MARCHF11: variants seen among roughly 807,000 people sequenced by gnomAD.
MARCHF11 encodes membrane associated ring-CH-type finger 11.
MARCHF11 carries 29 observed loss-of-function variants against 37.3 expected under a neutral mutation model. That is an observed-to-expected ratio of 0.78 (90% confidence interval 0.58 to 1.06). The LOEUF (loss-of-function observed/expected upper bound fraction) is 1.06, where lower values mean the gene tolerates loss of function less well. Among genes scored for constraint, MARCHF11 ranks in the 50% least tolerant of loss-of-function variants. The pLI, the probability that MARCHF11 is intolerant of heterozygous loss-of-function variation, is 0.00. For missense variants in MARCHF11, 482 were observed against 533.4 expected, an observed-to-expected ratio of 0.90 and a Z score of 0.95; for synonymous variants, 233 against 228.0, an observed-to-expected ratio of 1.02 and a Z score of -0.20.
intron 2 of MARCHF11, among the ~76,000 whole-genome samples, chr5:16,157,048 G>A (rs1737989465): frequency 1.3e-5 from 2 of 151,816 alleles, no homozygotes; most frequent in Admixed American, 6.6e-5. Context: ...CTAAAAACAT[G>A]TTATTGACCA....
chr5:16,106,233 C>T (rs952862136), intron 2 of MARCHF11, among the ~76,000 whole-genome samples: 2 of 152,148 alleles, frequency 1.3e-5, no homozygotes, highest in African/African-American at 2.4e-5. Context: ...AATGAGCAAG[C>T]GGTGTCTCTG....
chr5:16,115,117 C>T (rs1435425492), intron 2 of MARCHF11, among the ~76,000 whole-genome samples: 4 of 152,074 alleles, frequency 2.6e-5, no homozygotes, highest in African/African-American at 7.2e-5. Context: ...TCATTTGTAA[C>T]GGAAGCTGAG....
intron 2 of MARCHF11, among the ~76,000 whole-genome samples, chr5:16,160,077 C>T (rs1459392684): frequency 2.6e-5 from 4 of 151,544 alleles, no homozygotes; most frequent in Non-Finnish European, 5.9e-5. Flanking sequence ...AATAACAAAA[C>T]TTCCCCTATA....
chr5:16,159,241 A>G (rs1220464770), intron 2 of MARCHF11, among the ~76,000 whole-genome samples: 2 of 151,328 alleles, frequency 1.3e-5, no homozygotes, highest in African/African-American at 4.9e-5. Context: ...ACCATCATAC[A>G]ACAGAAGCTT....
intron 2 of MARCHF11, among the ~76,000 whole-genome samples, chr5:16,093,361 T>C (rs1215353223): frequency 6.6e-6 from 1 of 152,192 alleles, no homozygotes; most frequent in Non-Finnish European, 1.5e-5. Flanking sequence ...TTGGCTTCAA[T>C]TAGGCCTACT....
chr5:16,173,035 T>C (rs1738296432), intron 2 of MARCHF11, among the ~76,000 whole-genome samples: 1 of 152,178 alleles, frequency 6.6e-6, no homozygotes, highest in South Asian at 2.1e-4. Context: ...GACAGCACAT[T>C]AGAAGAGTTT....
At chr5:16,094,623 A>G (rs1015353626) in intron 2 of MARCHF11, among the ~76,000 whole-genome samples, 1 of 152,070 alleles carries the variant, frequency 6.6e-6, no homozygotes, top group Non-Finnish European at 1.5e-5. Context: ...AATAGTTGCT[A>G]CTGCTTTCTT....
intron 2 of MARCHF11, among the ~76,000 whole-genome samples, chr5:16,155,738 A>C (rs1737969256): frequency 6.6e-6 from 1 of 151,968 alleles, no homozygotes. Context: ...CAAGTCAGGC[A>C]TTCCTACTAA....
chr5:16,145,337 G>C (rs1476637986), intron 2 of MARCHF11, among the ~76,000 whole-genome samples: 4 of 152,096 alleles, frequency 2.6e-5, no homozygotes, highest in Non-Finnish European at 4.4e-5. Flanking sequence ...CTACAGAATG[G>C]GCATTCAGGA....
chr5:16,174,763 C>T (rs912280169), intron 2 of MARCHF11, among the ~76,000 whole-genome samples: 1 of 152,124 alleles, frequency 6.6e-6, no homozygotes, highest in African/African-American at 2.4e-5. Flanking sequence ...TTATGAGGAC[C>T]AAATGCAGAG....
intron 3 of MARCHF11, among the ~76,000 whole-genome samples, chr5:16,086,037 T>C (rs1237641546): frequency 6.8e-6 from 1 of 148,066 alleles, no homozygotes; most frequent in African/African-American, 2.5e-5. Context: ...AATATTCATG[T>C]AAAACGATGT....
rs141084123 is a variant in MARCHF11 at position 16,177,987 on chromosome 5, T to A, written c.538-106A>T. ...AAAGCCATTTACTCAGGATACAGCA[T>A]CAGGCTCTATCATAGGAAATGAAAT... is the stretch of plus-strand genomic sequence containing the variant. On this transcript the variant is annotated intron_variant, in intron 1 of 3. Coordinates refer to ENST00000332432, the MANE Select transcript of MARCHF11 (RefSeq NM_001102562.3). The A allele has an allele frequency of 5.5e-4, 580 of 1,056,496 alleles. 11 individuals are homozygous for A. The East Asian group carries it at 0.015, about 28-fold the overall frequency. 65.4% of individuals were successfully genotyped at this position (1,056,496 alleles called of 1,614,324 possible).
chr5:16,083,908 T>A (rs1484001343), intron 3 of MARCHF11, among the ~76,000 whole-genome samples: 1 of 152,240 alleles, frequency 6.6e-6, no homozygotes, highest in Non-Finnish European at 1.5e-5. Context: ...ACACTGGTTT[T>A]AAATAGACAA....
intron 2 of MARCHF11, among the ~76,000 whole-genome samples, chr5:16,124,325 G>GGACT (rs1737363622): frequency 6.6e-6 from 1 of 152,168 alleles, no homozygotes; most frequent in South Asian, 2.1e-4. Context: ...GGACGAGGCA[G>GGACT]GACTGGATGA....
intron 2 of MARCHF11, among the ~76,000 whole-genome samples, chr5:16,158,135 C>T (rs1738007830): frequency 6.6e-6 from 1 of 151,922 alleles, no homozygotes; most frequent in South Asian, 2.1e-4. Context: ...CACATCGCCT[C>T]ACACCTGTTA....
chr5:16,110,079 T>A (rs1449690629), intron 2 of MARCHF11, among the ~76,000 whole-genome samples: 2 of 152,180 alleles, frequency 1.3e-5, no homozygotes, highest in Non-Finnish European at 2.9e-5. Flanking sequence ...CAGTAATGTT[T>A]TATCAAGTGG....
intron 2 of MARCHF11, among the ~76,000 whole-genome samples, chr5:16,099,472 A>G (rs141089184): frequency 6.6e-6 from 1 of 152,334 alleles, no homozygotes. Flanking sequence ...AAAATAAATA[A>G]GACTCATATA....
intron 2 of MARCHF11, among the ~76,000 whole-genome samples, chr5:16,118,769 C>T (rs778239125): frequency 2.0e-5 from 3 of 152,144 alleles, no homozygotes; most frequent in Non-Finnish European, 4.4e-5. Flanking sequence ...TAGGATCTCT[C>T]TCCCAGGTCA....
intron 2 of MARCHF11, among the ~76,000 whole-genome samples, chr5:16,159,867 G>A (rs1036669474): frequency 1.3e-5 from 2 of 151,960 alleles, no homozygotes; most frequent in Non-Finnish European, 2.9e-5. Flanking sequence ...TCTCCCTCCA[G>A]CAAGATGGCT....
Sources: allele counts gnomAD v4.1 joint callset (sites outside exome capture counted in the v4.1 genomes callset), GRCh38; gene constraint gnomAD v4.1.1; transcripts MANE v1.5; gene names NCBI Gene and HGNC (gene_info 2026-07-23, HGNC 2026-07-21).